The following SMOX variants were observed in gnomAD, a reference collection of about 807,000 sequenced individuals.
SMOX encodes the protein spermine oxidase, also known as flavin containing amine oxidase.
In SMOX, 22 loss-of-function variants were observed where a neutral mutation model predicts 51.0. The observed-to-expected ratio is 0.43, with a 90% CI of 0.31 to 0.62. The LOEUF (loss-of-function observed/expected upper bound fraction) is 0.62, where lower values mean the gene tolerates loss of function less well. Among genes scored for constraint, SMOX ranks in the 20% least tolerant of loss-of-function variants. SMOX has a pLI of 0.10. For missense variants in SMOX, 566 were observed against 777.7 expected (o/e 0.73, Z 3.24); for synonymous variants, 282 against 307.8 (o/e 0.92, Z 0.88).
intron 2 of SMOX, among the ~76,000 whole-genome samples, chr20:4,175,601 G>C (rs1978775462): frequency 6.6e-6 from 1 of 152,162 alleles, no homozygotes; most frequent in South Asian, 2.1e-4. Context: ...CCTAGTAGTT[G>C]TTAACTTTTT....
In SMOX at chr20:4,167,419, T is replaced by G. The variant is rs988163348; in HGVS notation, c.-26-7611T>G. Among the ~76,000 whole-genome samples, 2 of 152,142 alleles carry G rather than the reference T, an allele frequency of 1.3e-5. No individual in the cohort carries two copies. The highest frequency in any genetic ancestry group is 3.8e-4 in the East Asian group (2 of 5,196). On this transcript the variant is annotated intron_variant, in intron 1 of 6. Transcript: ENST00000305958. This position sits in a 1 kb window ranked among gnomAD's most constrained non-coding sequence, Gnocchi z 4.8. ...GATGACCTTTGCAGTGGCCACACCT[T>G]TTACCTGTGCTAATTTAATATTCCT...
rs369100234 is a variant in SMOX, at chr20:4,166,487, A to T, written c.-26-8543A>T. Among the ~76,000 whole-genome samples the T allele has an allele frequency of 2.0e-5, 3 of 152,148 alleles. No homozygotes were observed. Among genetic ancestry groups the T allele is most frequent in the Admixed American group, 6.5e-5 (1 of 15,274 alleles). ...CTTGGCCTCCCAAAGTGCTGGAATTACAGGTGTGAGCCACTGTGCCCTCCC... is the reference window on the plus strand; with the variant it reads ...CTTGGCCTCCCAAAGTGCTGGAATTTCAGGTGTGAGCCACTGTGCCCTCCC... On this transcript the variant is annotated intron_variant, in intron 1 of 6. Coordinates refer to ENST00000305958, the MANE Select transcript of SMOX (RefSeq NM_175839.3). This position sits in a 1 kb window ranked among gnomAD's most constrained non-coding sequence, Gnocchi z 4.2.
At chr20:4,157,758 A>T (rs980068548) in intron 1 of SMOX, among the ~76,000 whole-genome samples, 6 of 151,978 alleles carry the variant, frequency 3.9e-5, no homozygotes, top group Admixed American at 6.5e-5. Context: ...GGAGGGGCCA[A>T]GTTGCGGACG....
intron 1 of SMOX, among the ~76,000 whole-genome samples, chr20:4,165,212 C>T (rs539439451): frequency 1.8e-4 from 27 of 152,096 alleles, no homozygotes; most frequent in African/African-American, 6.5e-4. Flanking sequence ...CGTGCCACCA[C>T]ACCTGGCTAA....
chr20:4,171,204 GAGA>G (rs1380753909), intron 1 of SMOX, among the ~76,000 whole-genome samples: 2 of 152,314 alleles, frequency 1.3e-5, no homozygotes, highest in Non-Finnish European at 1.5e-5. Flanking sequence ...CCCAAGGCGA[GAGA>G]AGGACAGGGC....
At chr20:4,160,678 A>G (rs1170834308) in intron 1 of SMOX, among the ~76,000 whole-genome samples, 1 of 152,188 alleles carries the variant, frequency 6.6e-6, no homozygotes, top group Non-Finnish European at 1.5e-5. Context: ...TTTTGTGATC[A>G]TGCATGCCAC....
chr20:4,178,503 A>T (rs903539308), intron 3 of SMOX, among the ~76,000 whole-genome samples: 4 of 152,100 alleles, frequency 2.6e-5, no homozygotes, highest in Admixed American at 6.6e-5. Flanking sequence ...TCAGATTTTT[A>T]AAAAATTATT....
Position 4,182,041 on chromosome 20 carries a change from C to T in SMOX, c.610-48C>T. 1 of 1,590,782 alleles carries T rather than the reference C, an allele frequency of 6.3e-7. No homozygotes were observed. On this transcript the variant is annotated intron_variant, in intron 4 of 6. Transcript: ENST00000305958. The surrounding 1 kb of genome is among the most constrained non-coding windows in gnomAD (Gnocchi z 8.4). ...GAGGAGGGCTACGCTGCTCCTACCCCTGCCCAACCCCGGCGGTCACCTGGC... is the reference window on the plus strand; with the variant it reads ...GAGGAGGGCTACGCTGCTCCTACCCTTGCCCAACCCCGGCGGTCACCTGGC...
chr20:4,175,517 G>C (rs1978767711), intron 2 of SMOX, among the ~76,000 whole-genome samples: 1 of 152,208 alleles, frequency 6.6e-6, no homozygotes. Flanking sequence ...TTAGGAGGGA[G>C]TGGACACCCA....
intron 3 of SMOX, among the ~76,000 whole-genome samples, chr20:4,178,622 A>T (rs1979069446): frequency 6.7e-6 from 1 of 149,194 alleles, no homozygotes; most frequent in South Asian, 2.1e-4. Context: ...ATGATCCTTC[A>T]CTCCAGGTCA....
Position 4,183,544 on chromosome 20 carries a change from A to C in SMOX, c.1420A>C (p.Ser474Arg). The C allele has an allele frequency of 1.2e-6, 2 of 1,614,194 alleles. No individual in the cohort carries two copies. Among genetic ancestry groups the C allele is most frequent in the Non-Finnish European group, 1.7e-6 (2 of 1,180,010 alleles). ...PRRILRSAWGSNPYFRGSYSY... is the reference protein window; with the variant it reads ...PRRILRSAWGRNPYFRGSYSY... ...GCGAATCTTGCGCTCGGCCTGGGGCAGCAACCCTTACTTCCGCGGCTCCTA... is the reference window on the plus strand; with the variant it reads ...GCGAATCTTGCGCTCGGCCTGGGGCCGCAACCCTTACTTCCGCGGCTCCTA... Residue 474 changes from serine (S) to arginine (R), a missense_variant, in exon 6 of 7, where the codon AGC (serine) becomes CGC (arginine). By Grantham distance (110) the Ser-to-Arg change is moderately radical. Coordinates refer to ENST00000305958, the MANE Select transcript of SMOX (RefSeq NM_175839.3). This position sits in a 1 kb window ranked among gnomAD's most constrained non-coding sequence, Gnocchi z 4.3.
intron 1 of SMOX, among the ~76,000 whole-genome samples, chr20:4,150,357 C>T (rs1985676317): frequency 6.6e-6 from 1 of 152,208 alleles, no homozygotes; most frequent in African/African-American, 2.4e-5. Context: ...CAGTGAGCTC[C>T]ACGCCCCCAA....
Position 4,187,457 on chromosome 20 carries a change from G to A in SMOX, c.*50G>A, listed in dbSNP as rs1979833196. On this transcript the variant is annotated 3_prime_UTR_variant, in exon 7 of 7. Transcript: ENST00000305958. The surrounding 1 kb of genome is among the most constrained non-coding windows in gnomAD (Gnocchi z 4.8). Reference sequence around the variant, plus strand: ...GCCACTAACTCGTGACCTCCAGCCTGCCCCTTGCTGCCGTGTGCTCCTGCC... The same window carrying A: ...GCCACTAACTCGTGACCTCCAGCCTACCCCTTGCTGCCGTGTGCTCCTGCC... 5.7e-6 allele frequency: 9 copies of A among 1,591,808 alleles called. No individual in the cohort carries two copies. The highest frequency in any genetic ancestry group is 1.1e-5 in the South Asian group (1 of 88,058).
intron 6 of SMOX, among the ~76,000 whole-genome samples, chr20:4,185,080 G>C (rs1441057582): frequency 1.3e-5 from 2 of 152,188 alleles, no homozygotes; most frequent in Non-Finnish European, 2.9e-5. Context: ...ATGCTTATTG[G>C]CCAGAACATA....
At position 4,177,845 on chromosome 20, in the gene SMOX, A is replaced by T. The variant is rs547374675; in HGVS notation, c.435+268A>T. ...TAATATTTTGGAATTTATGTATATA[A>T]CTCTACACAAAAAATGAGAATTTTG... On this transcript the variant is annotated intron_variant, in intron 3 of 6. Coordinates refer to ENST00000305958, the MANE Select transcript of SMOX (RefSeq NM_175839.3). This position sits in a 1 kb window ranked among gnomAD's most constrained non-coding sequence, Gnocchi z 4.3. Among the ~76,000 whole-genome samples the T allele has an allele frequency of 6.6e-6, 1 of 152,220 alleles. No individual in the cohort carries two copies. The highest frequency in any genetic ancestry group is 1.9e-4 in the East Asian group (1 of 5,184).
chr20:4,179,955 G>T (rs1445038801), intron 3 of SMOX, among the ~76,000 whole-genome samples: 1 of 152,232 alleles, frequency 6.6e-6, no homozygotes, highest in Non-Finnish European at 1.5e-5. Flanking sequence ...GGTGAAGGCT[G>T]CCCTCGTTGG....
Position 4,183,666 on chromosome 20 carries a change from G to A in SMOX, c.1530+12G>A, listed in dbSNP as rs199745879. ...GCTCAAAGACAGCGGTAAGCGGGGC[G>A]TTTGGGGTGAGGAGGGGAGTTGTGG... On this transcript the variant is annotated intron_variant, in intron 6 of 6. Transcript: ENST00000305958. This position sits in a 1 kb window ranked among gnomAD's most constrained non-coding sequence, Gnocchi z 4.3. 8.6e-5 allele frequency: 134 copies of A among 1,554,470 alleles called. No individual in the cohort carries two copies. The African/African-American group carries it at 1.7e-3, about 19-fold the overall frequency.
At position 4,187,419 on chromosome 20, in the gene SMOX, G is replaced by A. The variant is rs771962242; in HGVS notation, c.*12G>A. On this transcript the variant is annotated 3_prime_UTR_variant, in exon 7 of 7. Coordinates refer to ENST00000305958, the MANE Select transcript of SMOX (RefSeq NM_175839.3). This position sits in a 1 kb window ranked among gnomAD's most constrained non-coding sequence, Gnocchi z 4.8. ...AGCAGGGGACCTGAGGGCTGTCCTCGCTGCTGAGAAGAGCCACTAACTCGT... is the reference window on the plus strand; with the variant it reads ...AGCAGGGGACCTGAGGGCTGTCCTCACTGCTGAGAAGAGCCACTAACTCGT... 1.2e-5 allele frequency: 20 copies of A among 1,610,538 alleles called. No individual in the cohort carries two copies. Among genetic ancestry groups the A allele is most frequent in the Non-Finnish European group, 1.6e-5 (19 of 1,177,570 alleles).
chr20:4,159,157 C>T (rs1986185809), intron 1 of SMOX, among the ~76,000 whole-genome samples: 1 of 152,016 alleles, frequency 6.6e-6, no homozygotes, highest in African/African-American at 2.4e-5. Context: ...GAGTTTCACT[C>T]TTGGAGTGCA....
Sources: allele counts gnomAD v4.1 joint callset (sites outside exome capture counted in the v4.1 genomes callset), GRCh38; gene constraint gnomAD v4.1.1; non-coding constraint Gnocchi (gnomAD v3.1); transcripts MANE v1.5; gene names NCBI Gene and HGNC (gene_info 2026-07-23, HGNC 2026-07-21).